The following MLIP variants were observed in gnomAD, a reference collection of about 807,000 sequenced individuals.
The protein encoded by MLIP is muscular LMNA interacting protein, also known as muscular LMNA-interacting protein.
MLIP carries 79 observed loss-of-function variants against 84.8 expected under a neutral mutation model. That is an observed-to-expected ratio of 0.93 (90% CI 0.78 to 1.12). The LOEUF (loss-of-function observed/expected upper bound fraction) is 1.12. Among genes scored for constraint, MLIP ranks in the 50% most tolerant of loss-of-function variants. MLIP has a pLI of 0.00. For missense variants in MLIP, 1,257 were observed against 1,160.6 expected (o/e 1.08, Z -1.21); for synonymous variants, 504 against 463.0 (o/e 1.09, Z -1.14).
At chr6:54,095,208 G>A (rs952470036) in intron 1 of MLIP, among the ~76,000 whole-genome samples, 1 of 152,088 alleles carries the variant, frequency 6.6e-6, no homozygotes, top group Non-Finnish European at 1.5e-5. Flanking sequence ...CTTGCAGCAG[G>A]CAGCCACACA....
chr6:54,051,819 G>A (rs1185156652), intron 1 of MLIP, among the ~76,000 whole-genome samples: 1 of 152,054 alleles, frequency 6.6e-6, no homozygotes, highest in Non-Finnish European at 1.5e-5. Context: ...TATAAATAAA[G>A]TTTAGAACAC....
chr6:54,079,695 T>TC (rs1320277340), intron 1 of MLIP: 2 of 152,176 alleles, frequency 1.3e-5, no homozygotes, highest in South Asian at 2.1e-4. Context: ...TTGATTCCTT[T>TC]CCCCCCACCA....
chr6:54,221,841 G>C (rs773548476), intron 11 of MLIP, among the ~76,000 whole-genome samples: 11 of 151,810 alleles, frequency 7.2e-5, no homozygotes, highest in Non-Finnish European at 1.5e-4. Context: ...CATAAAAACT[G>C]ACTATACATT....
intron 3 of MLIP, among the ~76,000 whole-genome samples, chr6:54,125,736 C>T (rs1716111024): frequency 6.6e-6 from 1 of 152,044 alleles, no homozygotes; most frequent in African/African-American, 2.4e-5. Flanking sequence ...CGAATTGTTA[C>T]CCAGATGTCC....
chr6:54,157,940 C>G (rs144487725), intron 5 of MLIP, among the ~76,000 whole-genome samples: 123 of 152,176 alleles, frequency 8.1e-4, no homozygotes, highest in African/African-American at 2.8e-3. Context: ...TTATTTAATA[C>G]AGAGAAGTGG....
At chr6:54,229,102 CAT>C (rs1780801029) in intron 11 of MLIP, among the ~76,000 whole-genome samples, 2 of 152,142 alleles carry the variant, frequency 1.3e-5, no homozygotes, top group South Asian at 4.1e-4. Context: ...TGAAAAGTAT[CAT>C]AACTGGCAAA....
At chr6:54,077,300 A>T (rs1766863941) in intron 1 of MLIP, among the ~76,000 whole-genome samples, 2 of 152,076 alleles carry the variant, frequency 1.3e-5, no homozygotes, top group Admixed American at 1.3e-4. Flanking sequence ...CTTGGCTGCA[A>T]CTACCCAACC....
At chr6:54,090,695 AAGAG>A (rs148755535) in intron 1 of MLIP, among the ~76,000 whole-genome samples, 2,306 of 145,178 alleles carry the variant, frequency 0.016, 63 homozygotes, top group African/African-American at 0.054. Flanking sequence ...GAGACAGAGA[AAGAG>A]AGAGAGAGAG....
intron 3 of MLIP, among the ~76,000 whole-genome samples, chr6:54,129,019 G>A (rs1459804497): frequency 6.6e-6 from 1 of 152,044 alleles, no homozygotes; most frequent in Non-Finnish European, 1.5e-5. Flanking sequence ...AAGAACTGGG[G>A]AGAGGAATGT....
chr6:54,093,162 C>T (rs138249058), intron 1 of MLIP, among the ~76,000 whole-genome samples: 10 of 152,228 alleles, frequency 6.6e-5, no homozygotes, highest in African/African-American at 2.4e-4. Context: ...TAGGTATAAG[C>T]CACCATGCCC....
intron 11 of MLIP, among the ~76,000 whole-genome samples, chr6:54,223,390 A>G (rs1466906039): frequency 6.6e-6 from 1 of 151,808 alleles, no homozygotes; most frequent in African/African-American, 2.4e-5. Flanking sequence ...TTTGAATCTT[A>G]TGTTTATGTG....
intron 11 of MLIP, among the ~76,000 whole-genome samples, chr6:54,211,199 C>T (rs746150621): frequency 6.6e-6 from 1 of 152,074 alleles, no homozygotes; most frequent in African/African-American, 2.4e-5. Context: ...GCACTCCAAC[C>T]TGGGCAACAG....
chr6:54,107,341 G>A (rs9395904), upstream of MLIP, among the ~76,000 whole-genome samples: 90 of 152,262 alleles, frequency 5.9e-4, no homozygotes, highest in East Asian at 7.7e-3. Context: ...AGAAGTCTGT[G>A]TCCAATACAG....
At chr6:54,217,606 A>G in intron 11 of MLIP, 4 of 983,738 alleles carry the variant, frequency 4.1e-6, no homozygotes, top group Non-Finnish European at 4.8e-6. Flanking sequence ...TGATAGTATC[A>G]TCTCAAAAAT....
chr6:54,021,829 G>T (rs978997357), intron 1 of MLIP, among the ~76,000 whole-genome samples: 3 of 152,124 alleles, frequency 2.0e-5, no homozygotes, highest in Non-Finnish European at 4.4e-5. Context: ...CTCATAATTT[G>T]GTTGATGTTA....
chr6:54,180,465 C>G (rs12199699), intron 9 of MLIP, among the ~76,000 whole-genome samples: 1,668 of 152,244 alleles, frequency 0.011, 13 homozygotes, highest in Non-Finnish European at 0.017. Context: ...GCCAATAACT[C>G]TTTGATTTGC....
At chr6:54,264,384 T>G (rs1238334807) in intron 13 of MLIP, among the ~76,000 whole-genome samples, 2 of 152,044 alleles carry the variant, frequency 1.3e-5, no homozygotes, top group African/African-American at 4.8e-5. Flanking sequence ...TAAGACAAAC[T>G]AAGTAATGGC....
chr6:54,108,099 A>G (rs13205433), upstream of MLIP, among the ~76,000 whole-genome samples: 234 of 152,300 alleles, frequency 1.5e-3, no homozygotes, highest in Middle Eastern at 3.4e-3. Context: ...AGGGTGACGG[A>G]TGCCTGCTTC....
chr6:54,255,333 CAG>C (rs1317159786), intron 12 of MLIP, among the ~76,000 whole-genome samples: 1 of 152,158 alleles, frequency 6.6e-6, no homozygotes, highest in Non-Finnish European at 1.5e-5. Flanking sequence ...ATCTGTGAAA[CAG>C]AGTATTACTA....
Sources: allele counts gnomAD v4.1 joint callset (sites outside exome capture counted in the v4.1 genomes callset), GRCh38; gene constraint gnomAD v4.1.1; transcripts MANE v1.5; gene names NCBI Gene and HGNC (gene_info 2026-07-23, HGNC 2026-07-21).